CASR: variants seen among roughly 807,000 people sequenced by gnomAD.
The protein encoded by CASR is calcium sensing receptor, also known as extracellular calcium-sensing receptor.
Under a neutral mutation model 69.1 loss-of-function variants are expected in CASR, and 23 were observed. The ratio of observed to expected loss-of-function variants is 0.33; its 90% confidence interval spans 0.24 to 0.47. CASR has a LOEUF of 0.47. CASR is among the 20% of genes least tolerant of loss of function. The pLI is 1.00. For missense variants in CASR, 924 were observed against 1,356.1 expected, an observed-to-expected ratio of 0.68 and a Z score of 5.00; for synonymous variants, 541 against 544.7, an observed-to-expected ratio of 0.99 and a Z score of 0.10.
intron 5 of CASR, among the ~76,000 whole-genome samples, chr3:122,280,770 T>A (rs1461396108): frequency 6.6e-6 from 1 of 152,214 alleles, no homozygotes; most frequent in African/African-American, 2.4e-5. Context: ...GCTTTCTGTG[T>A]TTGTAAGACA....
intron 1 of CASR, among the ~76,000 whole-genome samples, chr3:122,202,205 C>T (rs1246112758): frequency 7.2e-5 from 11 of 152,218 alleles, no homozygotes; most frequent in Non-Finnish European, 1.5e-5. Flanking sequence ...TCACTCGCAG[C>T]TAGGAGCTGG....
At chr3:122,209,677 A>T (rs1022094521) in intron 1 of CASR, among the ~76,000 whole-genome samples, 1 of 152,186 alleles carries the variant, frequency 6.6e-6, no homozygotes, top group African/African-American at 2.4e-5. Context: ...ACAATTCAAG[A>T]TGAGATTTGG....
At chr3:122,196,247 C>T (rs1467052419) in intron 1 of CASR, among the ~76,000 whole-genome samples, 1 of 151,838 alleles carries the variant, frequency 6.6e-6, no homozygotes, top group Non-Finnish European at 1.5e-5. Context: ...TGGTAAATAA[C>T]ATATACAACA....
intron 1 of CASR, among the ~76,000 whole-genome samples, chr3:122,197,875 A>C (rs527613714): frequency 1.6e-4 from 25 of 152,220 alleles, no homozygotes; most frequent in Middle Eastern, 3.4e-3. Context: ...TCCACCTATC[A>C]GTCTCTCATC....
At chr3:122,188,016 T>C (rs2073803731) in intron 1 of CASR, among the ~76,000 whole-genome samples, 1 of 152,192 alleles carries the variant, frequency 6.6e-6, no homozygotes, top group South Asian at 2.1e-4. Context: ...TCAGATAAGA[T>C]ATGCACAGAT....
chr3:122,241,313 C>A (rs376208939), intron 1 of CASR, among the ~76,000 whole-genome samples: 4 of 151,586 alleles, frequency 2.6e-5, no homozygotes, highest in African/African-American at 9.7e-5. Context: ...TGAGAGAAGA[C>A]CCAAATAAAT....
chr3:122,217,311 A>C (rs922036847), intron 1 of CASR, among the ~76,000 whole-genome samples: 4 of 152,108 alleles, frequency 2.6e-5, no homozygotes, highest in Admixed American at 2.6e-4. Flanking sequence ...TTTGTTGCCC[A>C]GGCTGGTTCA....
intron 4 of CASR, among the ~76,000 whole-genome samples, chr3:122,266,056 C>T (rs2074690142): frequency 6.6e-6 from 1 of 152,004 alleles, no homozygotes; most frequent in African/African-American, 2.4e-5. Flanking sequence ...TTATCTTGTT[C>T]ATTATCTGTG....
At chr3:122,216,957 T>C (rs72969322) in intron 1 of CASR, among the ~76,000 whole-genome samples, 3,053 of 152,350 alleles carry the variant, frequency 0.02, 94 homozygotes, top group African/African-American at 0.071. Context: ...TGCCAGGCAT[T>C]GTGCTGTGCA....
chr3:122,210,297 G>C (rs1045008071), intron 1 of CASR, among the ~76,000 whole-genome samples: 3 of 152,134 alleles, frequency 2.0e-5, no homozygotes, highest in African/African-American at 7.2e-5. Context: ...AAGTCAAACT[G>C]TTTCTGTTTG....
chr3:122,187,537 T>C (rs1334304093), intron 1 of CASR, among the ~76,000 whole-genome samples: 1 of 152,188 alleles, frequency 6.6e-6, no homozygotes, highest in Non-Finnish European at 1.5e-5. Context: ...CATGTGCAGG[T>C]AGTATTGTGT....
intron 1 of CASR, chr3:122,247,648 G>C (rs540473908): frequency 4.6e-5 from 7 of 152,172 alleles, no homozygotes; most frequent in Non-Finnish European, 8.8e-5. Flanking sequence ...TTATGTTGCC[G>C]GCAGTACACA....
intron 1 of CASR, among the ~76,000 whole-genome samples, chr3:122,205,889 A>C (rs2074002040): frequency 6.6e-6 from 1 of 152,000 alleles, no homozygotes; most frequent in African/African-American, 2.4e-5. Flanking sequence ...TGGTGTATAT[A>C]AATGTTACTG....
rs1576875710 is a variant in CASR, at chr3:122,282,124, C to T, written c.1620C>T (p.Ser540=). ...WSGFSREVPF[S]NCSRDCLAGT... is the part of the protein sequence containing the mutation. ...TGTCTGTCCTCCAGGTGCCCTTCTC[C>T]AACTGCAGCCGAGACTGCCTGGCAG... The change falls in exon 6 of 7, where the codon TCC becomes TCT. Residue 540 remains serine, a synonymous_variant. Coordinates refer to ENST00000639785, the MANE Select transcript of CASR (RefSeq NM_000388.4). The T allele has an allele frequency of 1.2e-6, 2 of 1,614,228 alleles. No homozygotes were observed. The highest frequency in any genetic ancestry group is 1.7e-6 in the Non-Finnish European group (2 of 1,180,032).
intron 1 of CASR, among the ~76,000 whole-genome samples, chr3:122,193,298 C>T (rs917321330): frequency 1.3e-5 from 2 of 152,018 alleles, no homozygotes; most frequent in Admixed American, 1.3e-4. Flanking sequence ...CTCACTGCAA[C>T]CTCCACCTCC....
Position 122,191,118 on chromosome 3 carries a change from A to G in CASR, c.-243+7306A>G, listed in dbSNP as rs529236237. 6.6e-5 allele frequency among the ~76,000 whole-genome samples: 10 copies of G among 152,288 alleles called. No individual in the cohort carries two copies. In the South Asian group the frequency reaches 1.9e-3, roughly 28 times the overall value. The stretch of plus-strand genomic sequence containing the variant: ...GAAATGAGTTTCTTACTGTAAATAC[A>G]CTCAGTCAAGTTAAAACTTAAAGTT... On this transcript the variant is annotated intron_variant, in intron 1 of 6. Coordinates refer to ENST00000639785, the MANE Select transcript of CASR (RefSeq NM_000388.4).
At chr3:122,279,998 G>T (rs1275242067) in intron 5 of CASR, among the ~76,000 whole-genome samples, 1 of 152,050 alleles carries the variant, frequency 6.6e-6, no homozygotes, top group Non-Finnish European at 1.5e-5. Flanking sequence ...TCCACCCTGT[G>T]TCCATGTGTT....
chr3:122,253,265 G>C (rs1199795784), intron 1 of CASR, among the ~76,000 whole-genome samples: 1 of 152,172 alleles, frequency 6.6e-6, no homozygotes, highest in Non-Finnish European at 1.5e-5. Context: ...TTCTGAGACA[G>C]AGTTTCACTC....
chr3:122,208,881 A>G (rs1474848398), intron 1 of CASR, among the ~76,000 whole-genome samples: 4 of 152,116 alleles, frequency 2.6e-5, no homozygotes, highest in Admixed American at 2.6e-4. Flanking sequence ...CCTTAGATGT[A>G]GATTATTTAG....
Sources: gnomAD v4.1 joint callset for allele counts (sites outside exome capture counted in the v4.1 genomes callset) on GRCh38, gnomAD v4.1.1 for gene constraint, MANE v1.5 for transcripts, NCBI Gene and HGNC (gene_info 2026-07-23, HGNC 2026-07-21) for gene names.